The following ADGRL2 variants were observed in gnomAD, a reference collection of about 807,000 sequenced individuals.
The protein encoded by ADGRL2 is adhesion G protein-coupled receptor L2.
A neutral mutation model predicts 157.4 loss-of-function variants in ADGRL2; 44 were observed. That is an observed-to-expected ratio of 0.28 (90% confidence interval 0.22 to 0.36). ADGRL2 has a LOEUF of 0.36. Ranked by LOEUF, ADGRL2 falls within the 10% of genes least tolerant of loss-of-function variation. The probability of loss-of-function intolerance (pLI) is 1.00; values close to 1 mark genes in which losing one functional copy is unlikely to be tolerated. For missense variants in ADGRL2, 1,510 were observed against 1,768.9 expected, an observed-to-expected ratio of 0.85 and a Z score of 2.63; for synonymous variants, 585 against 624.7, an observed-to-expected ratio of 0.94 and a Z score of 0.95.
intron 2 of ADGRL2, among the ~76,000 whole-genome samples, chr1:81,451,060 T>C (rs1435581626): frequency 1.3e-5 from 2 of 152,166 alleles, no homozygotes; most frequent in East Asian, 3.9e-4. Flanking sequence ...TTCATATAAG[T>C]CTCACCTTGT....
intron 1 of ADGRL2, among the ~76,000 whole-genome samples, chr1:81,703,477 T>G (rs1404112781): frequency 6.6e-6 from 1 of 151,980 alleles, no homozygotes; most frequent in Non-Finnish European, 1.5e-5. Flanking sequence ...GAAAAGAGGA[T>G]GGTGTCAGGA....
At chr1:81,650,922 A>G (rs565275764) in intron 3 of ADGRL2, among the ~76,000 whole-genome samples, 224 of 152,126 alleles carry the variant, frequency 1.5e-3, no homozygotes, top group African/African-American at 5.1e-3. Flanking sequence ...TCCATTTTCT[A>G]TTTGCAGTTT....
intron 1 of ADGRL2, among the ~76,000 whole-genome samples, chr1:81,349,738 A>T (rs900789362): frequency 3.3e-5 from 5 of 151,998 alleles, no homozygotes; most frequent in Non-Finnish European, 5.9e-5. Flanking sequence ...CTGGAAGCAG[A>T]TACAGGAAAA....
At chr1:81,779,623 T>C (rs2086734138) in intron 2 of ADGRL2, among the ~76,000 whole-genome samples, 1 of 152,250 alleles carries the variant, frequency 6.6e-6, no homozygotes, top group Admixed American at 6.5e-5. Flanking sequence ...CTTTTGCATA[T>C]GCTGTTTTAA....
At chr1:81,403,236 T>TG (rs113423779) in intron 1 of ADGRL2, among the ~76,000 whole-genome samples, 21 of 39,156 alleles carry the variant, frequency 5.4e-4, no homozygotes, top group African/African-American at 9.5e-4. Context: ...TTGTTTTTTT[T>TG]TTGTTGTTGT....
intron 1 of ADGRL2, among the ~76,000 whole-genome samples, chr1:81,833,773 A>G (rs913080099): frequency 6.6e-6 from 1 of 152,220 alleles, no homozygotes; most frequent in African/African-American, 2.4e-5. Context: ...CATTGCACGT[A>G]GTGTATAAAA....
chr1:81,667,024 G>GCA (rs2148900189), intron 3 of ADGRL2, among the ~76,000 whole-genome samples: 1 of 152,254 alleles, frequency 6.6e-6, no homozygotes, highest in East Asian at 1.9e-4. Context: ...ATTTAATAGT[G>GCA]CACACACTGA....
chr1:81,489,278 A>G (rs1557729377), intron 2 of ADGRL2, among the ~76,000 whole-genome samples: 1 of 152,012 alleles, frequency 6.6e-6, no homozygotes, highest in Admixed American at 6.6e-5. Flanking sequence ...TGGAAAATCT[A>G]AAAAGAAACT....
intron 2 of ADGRL2, among the ~76,000 whole-genome samples, chr1:81,560,047 G>T (rs932982679): frequency 1.3e-5 from 2 of 152,132 alleles, no homozygotes; most frequent in African/African-American, 4.8e-5. Context: ...TCAAAGAAGA[G>T]ATACCTTTTT....
intron 2 of ADGRL2, among the ~76,000 whole-genome samples, chr1:81,786,671 T>A (rs928464395): frequency 6.6e-6 from 1 of 152,238 alleles, no homozygotes; most frequent in South Asian, 2.1e-4. Flanking sequence ...TTGAAAAGTA[T>A]AATCTTAAGG....
intron 2 of ADGRL2, among the ~76,000 whole-genome samples, chr1:81,782,658 T>C (rs2086864909): frequency 6.6e-6 from 1 of 152,202 alleles, no homozygotes; most frequent in Non-Finnish European, 1.5e-5. Context: ...CTTGAGTCTT[T>C]ATCTCCACTT....
chr1:81,740,339 G>C (rs1002207328), intron 1 of ADGRL2, among the ~76,000 whole-genome samples: 5 of 152,168 alleles, frequency 3.3e-5, no homozygotes, highest in African/African-American at 1.2e-4. Context: ...AGCACAGTAA[G>C]TTTCTGGCAT....
chr1:81,783,273 AC>A (rs2086892165), intron 2 of ADGRL2, among the ~76,000 whole-genome samples: 1 of 148,614 alleles, frequency 6.7e-6, no homozygotes, highest in Non-Finnish European at 1.5e-5. Flanking sequence ...ACAGGTGCAC[AC>A]CGCCATGCTG....
At chr1:81,364,703 C>CA (rs2076035485) in intron 1 of ADGRL2, among the ~76,000 whole-genome samples, 1 of 144,326 alleles carries the variant, frequency 6.9e-6, no homozygotes, top group Non-Finnish European at 1.5e-5. Context: ...GTAATTAATT[C>CA]TTTTTTTTTT....
At chr1:81,605,181 C>T (rs185530262) in intron 3 of ADGRL2, among the ~76,000 whole-genome samples, 2 of 152,278 alleles carry the variant, frequency 1.3e-5, no homozygotes, top group East Asian at 3.9e-4. Context: ...ATAAAGAGCC[C>T]TTCCCCCAGT....
At chr1:81,424,851 T>C (rs1557679313) in intron 1 of ADGRL2, among the ~76,000 whole-genome samples, 1 of 152,242 alleles carries the variant, frequency 6.6e-6, no homozygotes, top group Non-Finnish European at 1.5e-5. Context: ...GATGGTGGAA[T>C]TGGCTTGTCA....
At chr1:81,859,528 T>C (rs1156755063) in intron 2 of ADGRL2, among the ~76,000 whole-genome samples, 1 of 149,920 alleles carries the variant, frequency 6.7e-6, no homozygotes, top group Non-Finnish European at 1.5e-5. Flanking sequence ...CACCTCAGCC[T>C]CCTGAATAGC....
chr1:81,608,084 C>T (rs1179880670), intron 3 of ADGRL2, among the ~76,000 whole-genome samples: 1 of 152,174 alleles, frequency 6.6e-6, no homozygotes, highest in Non-Finnish European at 1.5e-5. Flanking sequence ...AAGTGGGTTT[C>T]ACTGTACTGG....
chr1:81,599,942 T>A lies in ADGRL2; in HGVS notation c.-143+18962T>A, dbSNP rs918031260. On this transcript the variant is annotated intron_variant, in intron 3 of 24. Coordinates refer to the ADGRL2 transcript ENST00000370721. Reference sequence around the variant, plus strand: ...GTTTACTTCTGCAAAGCAAATTAAATGTGTAGCCCATGCATTATTGATGTC... The same window carrying A: ...GTTTACTTCTGCAAAGCAAATTAAAAGTGTAGCCCATGCATTATTGATGTC... 5.9e-5 allele frequency among the ~76,000 whole-genome samples: 9 copies of A among 152,344 alleles called. No homozygotes were observed. In the East Asian group the frequency reaches 1.7e-3, roughly 29 times the overall value.
Sources: allele counts gnomAD v4.1 joint callset (sites outside exome capture counted in the v4.1 genomes callset), GRCh38; gene constraint gnomAD v4.1.1; transcripts MANE v1.5; gene names NCBI Gene and HGNC (gene_info 2026-07-23, HGNC 2026-07-21).